IFNGR1: variants seen among roughly 807,000 people sequenced by gnomAD.
IFNGR1 encodes interferon gamma receptor 1, also known as AVP, type 2.
In IFNGR1, 23 loss-of-function variants were observed where a neutral mutation model predicts 35.4. The observed-to-expected ratio is 0.65, with a 90% confidence interval of 0.47 to 0.92. IFNGR1 has a LOEUF of 0.92. Ranked by LOEUF, IFNGR1 falls within the 40% of genes least tolerant of loss-of-function variation. The pLI, the probability that IFNGR1 is intolerant of heterozygous loss-of-function variation, is 0.00. For synonymous variants in IFNGR1, 199 were observed against 209.5 expected (o/e 0.95, Z 0.43); for missense variants, 533 against 583.4 (o/e 0.91, Z 0.89).
At chr6:137,198,754 G>A (rs1447421817) in intron 6 of IFNGR1, 115 bp from the exon 7 acceptor site, 3 of 769,380 alleles carry the variant, frequency 3.9e-6, no homozygotes, top group South Asian at 1.6e-5. Context: ...AGGATAATGG[G>A]TGAATCAGAT....
rs1352703096 is a variant in IFNGR1, at chr6:137,204,447, T to G, written c.431A>C (p.Asp144Ala). ...IRKEEKQIMIDIFHPSVFVNG... is the reference protein window; with the variant it reads ...IRKEEKQIMIAIFHPSVFVNG... The stretch of plus-strand genomic sequence containing the variant: ...TACAAAAACTGAAGGGTGAAATATG[T>G]CAATCATGATTTGCTTCTCCTCCTT... Residue 144 changes from aspartate to alanine, a missense_variant, in exon 4 of 7, where the codon GAC becomes GCC. Coordinates refer to ENST00000367739, the MANE Select transcript of IFNGR1 (RefSeq NM_000416.3). 2 of 1,613,926 alleles carry G rather than the reference T, an allele frequency of 1.2e-6. No individual in the cohort carries two copies. The highest frequency in any genetic ancestry group is 2.7e-5 in the African/African-American group (2 of 75,036).
intron 4 of IFNGR1, 148 bp downstream of exon 4, chr6:137,204,184 T>C (rs955221395): frequency 2.9e-5 from 20 of 692,348 alleles, no homozygotes; most frequent in Non-Finnish European, 4.5e-5. Flanking sequence ...TTTGCTTTAA[T>C]AGCATTCACA....
At chr6:137,201,044 A>G (rs754439895) in intron 5 of IFNGR1, 36 bp from the exon 6 acceptor site, 12 of 1,603,736 alleles carry the variant, frequency 7.5e-6, no homozygotes, top group South Asian at 1.1e-5. Flanking sequence ...TACAATTAAG[A>G]TGGAATACTG....
Position 137,198,087 on chromosome 6 carries a change from C to T in IFNGR1, c.1414G>A (p.Gly472Ser), listed in dbSNP as rs55924399. The change falls in exon 7 of 7, where the codon GGT (glycine) becomes AGT (serine). Residue 472 changes from glycine to serine, a missense_variant. Coordinates refer to ENST00000367739, the MANE Select transcript of IFNGR1 (RefSeq NM_000416.3). Reference protein sequence around the residue: ...VLVDLLVDDSGKESLIGYRPT... With the variant: ...VLVDLLVDDSSKESLIGYRPT... Reference sequence around the variant, plus strand: ...CTATAACCAATCAAGGACTCTTTACCGCTATCATCCACAAGTAGATCCACT... The same window carrying T: ...CTATAACCAATCAAGGACTCTTTACTGCTATCATCCACAAGTAGATCCACT... 4.6e-5 allele frequency: 75 copies of T among 1,614,104 alleles called. No homozygotes were observed. Among genetic ancestry groups the T allele is most frequent in the Admixed American group, 3.3e-4 (20 of 60,008 alleles).
At chr6:137,215,270 C>T (rs1424122792) in intron 1 of IFNGR1, 11 of 1,547,576 alleles carry the variant, frequency 7.1e-6, no homozygotes, top group East Asian at 2.5e-5. Flanking sequence ...AAATTACCTC[C>T]ATATTTAAAT....
intron 6 of IFNGR1, among the ~76,000 whole-genome samples, chr6:137,199,310 ATT>A (rs1198998229): frequency 7.5e-6 from 1 of 133,382 alleles, no homozygotes; most frequent in African/African-American, 2.8e-5. Flanking sequence ...ATTAATATAT[ATT>A]ATATAATATA....
intron 1 of IFNGR1, among the ~76,000 whole-genome samples, chr6:137,216,307 C>T (rs1313097700): frequency 6.6e-6 from 1 of 152,196 alleles, no homozygotes; most frequent in Non-Finnish European, 1.5e-5. Context: ...TCAGCTATTA[C>T]TCAGAGTGGG....
In IFNGR1 at chr6:137,198,001, G is replaced by T; in HGVS notation, c.*30C>A. ...AGCAGAAAACTGTCCAGGAAAATCA[G>T]ACTTCAAAGTTGGTGCAACTTAGCT... On this transcript the variant is annotated 3_prime_UTR_variant, in exon 7 of 7. Coordinates refer to ENST00000367739, the MANE Select transcript of IFNGR1 (RefSeq NM_000416.3). The T allele has an allele frequency of 6.2e-7, 1 of 1,613,408 alleles. No homozygotes were observed. Among genetic ancestry groups the T allele is most frequent in the South Asian group, 1.1e-5 (1 of 90,708 alleles).
intron 6 of IFNGR1, among the ~76,000 whole-genome samples, chr6:137,199,274 T>TTA (rs376706088): frequency 0.19 from 25,355 of 131,414 alleles, 2,881 homozygotes; most frequent in East Asian, 0.4. Context: ...AAACTCCCCT[T>TTA]TATATATATA....
intron 5 of IFNGR1, among the ~76,000 whole-genome samples, chr6:137,201,912 T>C (rs1779287063): frequency 1.3e-5 from 2 of 152,060 alleles, no homozygotes; most frequent in South Asian, 2.1e-4. Context: ...AGCACATACA[T>C]CTAGAATCAC....
At chr6:137,207,747 C>T (rs561680872) in intron 1 of IFNGR1, among the ~76,000 whole-genome samples, 26 of 152,260 alleles carry the variant, frequency 1.7e-4, no homozygotes, top group African/African-American at 6.3e-4. Context: ...TTCAATTAAA[C>T]ATCTTTTTCT....
chr6:137,202,941 T>C lies in IFNGR1; in HGVS notation c.733+558A>G, dbSNP rs190622006. ...GTTCTAAAGTTCAAGTTCTAGCATA[T>C]ATATCTCTACCTCCCCACCCCCCAC... On this transcript the variant is annotated intron_variant, in intron 5 of 6. Transcript: ENST00000367739. 3.9e-5 allele frequency among the ~76,000 whole-genome samples: 6 copies of C among 152,208 alleles called. No homozygotes were observed. The East Asian group carries it at 1.2e-3, about 29-fold the overall frequency.
rs750294418 is a variant in IFNGR1 at position 137,198,181 on chromosome 6, T to C, written c.1320A>G (p.Thr440=). The change falls in exon 7 of 7, where the codon ACA becomes ACG. Residue 440 remains threonine (T), a synonymous_variant. Coordinates refer to ENST00000367739, the MANE Select transcript of IFNGR1 (RefSeq NM_000416.3). ...TTACGGTTATGAGCTCTTGTCCTTC[T>C]GTTTTTATTTCACCTTTATTATTTG... ...FPPNNKGEIK[T]EGQELITVIK... is the part of the protein sequence containing the mutation. 1.2e-6 allele frequency: 2 copies of C among 1,614,194 alleles called. No individual in the cohort carries two copies. Among genetic ancestry groups the C allele is most frequent in the East Asian group, 2.2e-5 (1 of 44,880 alleles).
intron 2 of IFNGR1, 150 bp downstream of exon 2, chr6:137,206,813 A>C: frequency 1.6e-6 from 1 of 633,324 alleles, no homozygotes; most frequent in South Asian, 2.0e-5. Context: ...TATTTGGCAA[A>C]GAATTTGCAT....
chr6:137,218,921 G>A (rs1163581974), intron 1 of IFNGR1: 1 of 462,834 alleles, frequency 2.2e-6, no homozygotes, highest in South Asian at 2.1e-5. Flanking sequence ...TTGAGACCAC[G>A]CTGTCCCACA....
At chr6:137,218,807 A>G (rs764684502) in intron 1 of IFNGR1, 12 of 349,280 alleles carry the variant, frequency 3.4e-5, no homozygotes, top group Non-Finnish European at 6.2e-5. Flanking sequence ...GAACCTGTAC[A>G]GCCTGTCACT....
intron 1 of IFNGR1, 123 bp from the exon 2 acceptor site, chr6:137,207,200 G>T: frequency 7.9e-7 from 1 of 1,268,566 alleles, no homozygotes. Context: ...GAATTCACCA[G>T]GATACCAAAA....
At chr6:137,214,998 A>C (rs1201367202) in intron 1 of IFNGR1, among the ~76,000 whole-genome samples, 1 of 152,234 alleles carries the variant, frequency 6.6e-6, no homozygotes, top group Non-Finnish European at 1.5e-5. Context: ...ATTTGTTAAA[A>C]TAATAATGCA....
At chr6:137,206,895 A>T in intron 2 of IFNGR1, 68 bp downstream of exon 2, 1 of 1,198,252 alleles carries the variant, frequency 8.3e-7, no homozygotes. Flanking sequence ...GAAAGAACAC[A>T]GTTGTGGAAT....
Sources: gnomAD v4.1 joint callset for allele counts (sites outside exome capture counted in the v4.1 genomes callset) on GRCh38, gnomAD v4.1.1 for gene constraint, MANE v1.5 for transcripts, NCBI Gene and HGNC (gene_info 2026-07-23, HGNC 2026-07-21) for gene names.